Variants in PDE4B observed in about 807,000 individuals in gnomAD.
PDE4B encodes phosphodiesterase 4B, also known as 3',5'-cyclic-AMP phosphodiesterase 4B.
A neutral mutation model predicts 82.2 loss-of-function variants in PDE4B; 20 were observed. That is an observed-to-expected ratio of 0.24 (90% CI 0.17 to 0.35). The LOEUF (loss-of-function observed/expected upper bound fraction) is 0.35. Among genes scored for constraint, PDE4B ranks in the 10% least tolerant of loss-of-function variants. The pLI is 1.00. For missense variants in PDE4B, 655 were observed against 907.2 expected (o/e 0.72, Z 3.57); for synonymous variants, 320 against 318.9 (o/e 1.00, Z -0.04).
At chr1:66,064,791 T>C (rs917923666) in intron 3 of PDE4B, among the ~76,000 whole-genome samples, 2 of 152,010 alleles carry the variant, frequency 1.3e-5, no homozygotes, top group Admixed American at 1.3e-4. Flanking sequence ...CTCTTAACTA[T>C]TAGTAGCATT....
chr1:65,839,091 T>G (rs1646177491), intron 1 of PDE4B, among the ~76,000 whole-genome samples: 1 of 151,958 alleles, frequency 6.6e-6, no homozygotes, highest in Non-Finnish European at 1.5e-5. Context: ...ACTTTAGGAT[T>G]TGGAAATACT....
chr1:66,294,114 G>A (rs1364320576), intron 7 of PDE4B, among the ~76,000 whole-genome samples: 2 of 152,154 alleles, frequency 1.3e-5, no homozygotes, highest in Non-Finnish European at 2.9e-5. Context: ...GCTGAGGCAG[G>A]AGAATCACTT....
At chr1:66,313,823 C>A (rs934311753) in intron 7 of PDE4B, among the ~76,000 whole-genome samples, 3 of 152,142 alleles carry the variant, frequency 2.0e-5, no homozygotes, top group Admixed American at 6.5e-5. Context: ...AGCACAGTGG[C>A]CTGGAGAGTT....
intron 16 of PDE4B, 151 bp downstream of exon 16, chr1:66,369,120 T>C: frequency 1.7e-6 from 1 of 574,344 alleles, no homozygotes; most frequent in Middle Eastern, 4.7e-4. Flanking sequence ...TCAGGACTCA[T>C]GCGACTTCTC....
chr1:66,340,050 G>T (rs1248594239), intron 8 of PDE4B, among the ~76,000 whole-genome samples: 1 of 152,156 alleles, frequency 6.6e-6, no homozygotes, highest in Non-Finnish European at 1.5e-5. Context: ...ACAAGAAGAT[G>T]CCAGGGCAAA....
intron 3 of PDE4B, among the ~76,000 whole-genome samples, chr1:65,992,103 A>T (rs12040309): frequency 0.15 from 22,811 of 152,038 alleles, 3,625 homozygotes; most frequent in African/African-American, 0.39. Context: ...GACATTTTTT[A>T]TATTGATGCT....
intron 3 of PDE4B, among the ~76,000 whole-genome samples, chr1:65,935,159 A>C (rs1557443097): frequency 6.6e-6 from 1 of 152,176 alleles, no homozygotes; most frequent in Non-Finnish European, 1.5e-5. Context: ...TATACCAAAT[A>C]TCTTTTTGGA....
chr1:66,264,133 A>G (rs1052864391), intron 6 of PDE4B, among the ~76,000 whole-genome samples: 3 of 152,216 alleles, frequency 2.0e-5, no homozygotes, highest in African/African-American at 4.8e-5. Flanking sequence ...AGTGCTACAA[A>G]AGAGAAGTAC....
intron 1 of PDE4B, among the ~76,000 whole-genome samples, chr1:65,856,237 C>G (rs12141435): frequency 1.2e-4 from 18 of 152,066 alleles, no homozygotes; most frequent in African/African-American, 3.6e-4. Context: ...ATGGGCAGAA[C>G]GTGCAGGTTT....
chr1:66,039,139 T>A (rs1280344546), intron 3 of PDE4B, among the ~76,000 whole-genome samples: 4 of 152,062 alleles, frequency 2.6e-5, no homozygotes, highest in African/African-American at 9.7e-5. Flanking sequence ...ATTTATTTTT[T>A]ATAGCATACA....
chr1:66,150,577 A>G (rs1299137093), intron 3 of PDE4B, among the ~76,000 whole-genome samples: 6 of 152,202 alleles, frequency 3.9e-5, no homozygotes, highest in Non-Finnish European at 8.8e-5. Context: ...ATAATGTTGA[A>G]AAGATGTGGC....
In PDE4B at chr1:65,834,506, A is replaced by G. The variant is rs1439326280; in HGVS notation, c.-71+41258A>G. Among the ~76,000 whole-genome samples, 5 of 152,336 alleles carry G rather than the reference A, an allele frequency of 3.3e-5. No homozygotes were observed. In the East Asian group the frequency reaches 9.6e-4, roughly 29 times the overall value. On this transcript the variant is annotated intron_variant, in intron 1 of 16. Coordinates refer to ENST00000341517, the MANE Select transcript of PDE4B (RefSeq NM_002600.4). Reference sequence around the variant, plus strand: ...AGGTTCACGTCTATATGCAATGTAGAATTTTAAGAATGAGAAAGGGCGGAA... The same window carrying G: ...AGGTTCACGTCTATATGCAATGTAGGATTTTAAGAATGAGAAAGGGCGGAA...
At chr1:66,135,962 A>T (rs1166129473) in intron 3 of PDE4B, among the ~76,000 whole-genome samples, 1 of 152,218 alleles carries the variant, frequency 6.6e-6, no homozygotes, top group African/African-American at 2.4e-5. Flanking sequence ...ATACCAATGT[A>T]ATCTGGTATT....
chr1:66,088,509 G>T (rs1644946675), intron 3 of PDE4B, among the ~76,000 whole-genome samples: 1 of 151,998 alleles, frequency 6.6e-6, no homozygotes, highest in South Asian at 2.1e-4. Flanking sequence ...TTACATAGAT[G>T]TCTCATTTAC....
intron 3 of PDE4B, among the ~76,000 whole-genome samples, chr1:66,085,163 A>G (rs1656942522): frequency 6.6e-6 from 1 of 152,188 alleles, no homozygotes; most frequent in Non-Finnish European, 1.5e-5. Context: ...TGCCCTACCC[A>G]GGACCTCCTG....
chr1:65,825,541 A>G (rs2101263313), intron 1 of PDE4B, among the ~76,000 whole-genome samples: 1 of 152,232 alleles, frequency 6.6e-6, no homozygotes, highest in South Asian at 2.1e-4. Flanking sequence ...TATCTCAATA[A>G]TCTGTTTGAA....
intron 1 of PDE4B, among the ~76,000 whole-genome samples, chr1:65,838,641 A>C (rs1451082543): frequency 6.7e-6 from 1 of 149,538 alleles, no homozygotes; most frequent in African/African-American, 2.4e-5. Flanking sequence ...ATATATATAC[A>C]TATACATATA....
chr1:66,135,272 T>A (rs1344677575), intron 3 of PDE4B, among the ~76,000 whole-genome samples: 3 of 152,170 alleles, frequency 2.0e-5, no homozygotes, highest in Non-Finnish European at 2.9e-5. Context: ...CAGATGTAAT[T>A]TTTTAGGTGA....
chr1:66,314,636 C>T (rs1454994369), intron 7 of PDE4B, among the ~76,000 whole-genome samples: 2 of 152,154 alleles, frequency 1.3e-5, no homozygotes, highest in African/African-American at 4.8e-5. Context: ...TGGTTTCGAA[C>T]TCCTGATCTC....
Sources: allele counts gnomAD v4.1 joint callset (sites outside exome capture counted in the v4.1 genomes callset), GRCh38; gene constraint gnomAD v4.1.1; transcripts MANE v1.5; gene names NCBI Gene and HGNC (gene_info 2026-07-23, HGNC 2026-07-21).